Variants in TRPM4 observed in about 807,000 individuals in gnomAD.
The protein encoded by TRPM4 is calcium-activated non-selective cation channel 1.
TRPM4 carries 124 observed loss-of-function variants against 135.6 expected under a neutral mutation model. That is an observed-to-expected ratio of 0.91 (90% confidence interval 0.79 to 1.06). The LOEUF is 1.06. Among genes scored for constraint, TRPM4 ranks in the 50% least tolerant of loss-of-function variants. The pLI, the probability that TRPM4 is intolerant of heterozygous loss-of-function variation, is 0.00. For missense variants in TRPM4, 1,658 were observed against 1,671.4 expected, an observed-to-expected ratio of 0.99 and a Z score of 0.14; for synonymous variants, 745 against 705.6, an observed-to-expected ratio of 1.06 and a Z score of -0.88.
intron 16 of TRPM4, among the ~76,000 whole-genome samples, chr19:49,192,056 C>T (rs1245339680): frequency 1.3e-5 from 2 of 152,240 alleles, no homozygotes; most frequent in Non-Finnish European, 2.9e-5. Context: ...CCCAAGGCCC[C>T]TGCTTTTAAT....
chr19:49,197,576 G>A (rs1163446667), intron 17 of TRPM4, among the ~76,000 whole-genome samples: 3 of 149,364 alleles, frequency 2.0e-5, no homozygotes, highest in Non-Finnish European at 4.4e-5. Context: ...GCATTATGGA[G>A]TATCCTGCAT....
intron 2 of TRPM4, chr19:49,158,525 T>A (rs1264288998): frequency 1.9e-6 from 1 of 517,342 alleles, no homozygotes; most frequent in Non-Finnish European, 3.5e-6. Flanking sequence ...CTCTTCTATG[T>A]GCTTCTGTCT....
chr19:49,200,580 C>T (rs941159795), intron 18 of TRPM4, 31 bp from the exon 19 acceptor site: 2 of 1,607,902 alleles, frequency 1.2e-6, no homozygotes, highest in East Asian at 2.2e-5. Context: ...TAGGAAAGGG[C>T]GGGGCCAGAC....
intron 16 of TRPM4, among the ~76,000 whole-genome samples, chr19:49,193,919 TCTC>T (rs759573206): frequency 7.9e-5 from 11 of 139,634 alleles, no homozygotes; most frequent in African/African-American, 2.5e-4. Flanking sequence ...TCATCCTCCT[TCTC>T]CTCCTCCTCT....
chr19:49,179,182 A>G (rs985728333), intron 9 of TRPM4, among the ~76,000 whole-genome samples: 2 of 150,574 alleles, frequency 1.3e-5, no homozygotes, highest in Non-Finnish European at 3.0e-5. Context: ...CAGCCTCCCA[A>G]GTAGCTGGGA....
chr19:49,188,839 C>T, intron 13 of TRPM4, 69 bp downstream of exon 13: 2 of 1,612,676 alleles, frequency 1.2e-6, no homozygotes, highest in Non-Finnish European at 1.7e-6. Context: ...CAACTCCGCA[C>T]TCCTCACATA....
intron 20 of TRPM4, among the ~76,000 whole-genome samples, chr19:49,206,486 C>T (rs966159067): frequency 6.7e-6 from 1 of 148,834 alleles, no homozygotes; most frequent in Non-Finnish European, 1.5e-5. Context: ...GTTGCCCAGG[C>T]TGGAGTGCAA....
At chr19:49,201,531 A>C (rs892887760) in intron 19 of TRPM4, among the ~76,000 whole-genome samples, 5 of 152,176 alleles carry the variant, frequency 3.3e-5, no homozygotes, top group Non-Finnish European at 5.9e-5. Context: ...TGTTTGAATA[A>C]ATTTTGTTTC....
At chr19:49,188,327 A>G (rs922478241) in intron 12 of TRPM4, among the ~76,000 whole-genome samples, 3 of 152,082 alleles carry the variant, frequency 2.0e-5, no homozygotes, top group Non-Finnish European at 2.9e-5. Flanking sequence ...CAGCCTCCCA[A>G]CGTGCTGGGA....
In TRPM4 at chr19:49,171,921, G is replaced by C; in HGVS notation, c.1051-88G>C. On this transcript the variant is annotated intron_variant, in intron 8 of 24. Coordinates refer to ENST00000252826, the MANE Select transcript of TRPM4 (RefSeq NM_017636.4). The surrounding 1 kb of genome is among the most constrained non-coding windows in gnomAD (Gnocchi z 4.7). ...CATATAGACTATTAGGTCCTGGAGG[G>C]GAATGGCCTCCTCCATCCCTTTGGA... 1.5e-6 allele frequency: 2 copies of C among 1,374,890 alleles called. No homozygotes were observed. The highest frequency in any genetic ancestry group is 2.1e-6 in the Non-Finnish European group (2 of 964,298). The allele number at this position is 1,374,890 out of a possible 1,614,324, so 85.2% of individuals were successfully genotyped here.
chr19:49,197,332 C>A lies in TRPM4; in HGVS notation c.2645+458C>A, dbSNP rs1296011903. Among the ~76,000 whole-genome samples, 158 of 121,636 alleles carry A rather than the reference C, an allele frequency of 1.3e-3. 2 individuals are homozygous for A. In the East Asian group the frequency reaches 0.028, roughly 21 times the overall value. 79.8% of individuals were successfully genotyped at this position (121,636 alleles called of 152,430 possible). ...TTTTTCTTTCTTTCTTTCTTTCTTT[C>A]TTTCTTTCTTTCTTTCTTTCTTTCT... On this transcript the variant is annotated intron_variant, in intron 17 of 24. Transcript: ENST00000252826.
chr19:49,201,318 G>A (rs1968926974), intron 19 of TRPM4, among the ~76,000 whole-genome samples: 1 of 152,166 alleles, frequency 6.6e-6, no homozygotes, highest in Admixed American at 6.5e-5. Context: ...GAGAACAAAG[G>A]AAGGAGGAAG....
At chr19:49,184,347 C>T (rs550380763) in intron 12 of TRPM4, among the ~76,000 whole-genome samples, 1 of 149,954 alleles carries the variant, frequency 6.7e-6, no homozygotes, top group South Asian at 2.1e-4. Context: ...TTTATTTTGC[C>T]TTTTTTATGA....
At position 49,182,623 on chromosome 19, in the gene TRPM4, C is replaced by T. The variant is rs540785901; in HGVS notation, c.1309C>T (p.Arg437Trp). Residue 437 changes from arginine (R) to tryptophan (W), a missense_variant, in exon 11 of 25, where the codon CGG becomes TGG. Around this residue, in one of 3 missense-constraint regions of TRPM4, gnomAD observed 1,412 missense variants for 1,408.7 expected, o/e 1.00. Transcript: ENST00000252826. The stretch of plus-strand genomic sequence containing the variant: ...CCTCATGGACGCCCTGCTGAATGAC[C>T]GGCCTGAGTTCGTGCGCTTGCTCAT... ...ASLMDALLND[R>W]PEFVRLLISH... 3.7e-6 allele frequency: 6 copies of T among 1,614,026 alleles called. No individual in the cohort carries two copies. Among genetic ancestry groups the T allele is most frequent in the Admixed American group, 3.3e-5 (2 of 60,006 alleles).
rs577651771 is a variant in TRPM4, at chr19:49,196,611, G to A, written c.2382G>A (p.Leu794=). Residue 794 remains leucine (L), a synonymous_variant, in exon 17 of 25, where the codon CTG becomes CTA. Transcript: ENST00000252826. The part of the protein sequence containing the change: ...MGNVVSYLLF[L]LLFSRVLLVD... ...ACGTGGTCAGCTACCTGCTGTTCCTGCTGCTTTTCTCGCGGGTGCTGCTCG... is the reference window on the plus strand; with the variant it reads ...ACGTGGTCAGCTACCTGCTGTTCCTACTGCTTTTCTCGCGGGTGCTGCTCG... The A allele has an allele frequency of 1.9e-6, 3 of 1,555,112 alleles. No homozygotes were observed. The South Asian group carries it at 3.5e-5, about 18-fold the overall frequency.
At chr19:49,185,757 T>G (rs1301951387) in intron 12 of TRPM4, among the ~76,000 whole-genome samples, 1 of 151,956 alleles carries the variant, frequency 6.6e-6, no homozygotes, top group Non-Finnish European at 1.5e-5. Context: ...TTTCTTTTTT[T>G]TGGGGGGAGG....
At chr19:49,206,426 T>C (rs1265654278) in intron 20 of TRPM4, among the ~76,000 whole-genome samples, 2 of 151,670 alleles carry the variant, frequency 1.3e-5, no homozygotes, top group African/African-American at 2.4e-5. Context: ...GGAATTTTCT[T>C]TTTTTTTCCT....
At position 49,183,224 on chromosome 19, in the gene TRPM4, C is replaced by T; in HGVS notation, c.1743+12C>T. Reference sequence around the variant, plus strand: ...ACTTCTGGGAGATGGTGAGTGCTGACTTGGCGCTCCTGCATCCCTGTCCTT... The same window carrying T: ...ACTTCTGGGAGATGGTGAGTGCTGATTTGGCGCTCCTGCATCCCTGTCCTT... On this transcript the variant is annotated intron_variant, in intron 12 of 24. Transcript: ENST00000252826. 6.2e-7 allele frequency: 1 copy of T among 1,614,052 alleles called. No individual in the cohort carries two copies. Among genetic ancestry groups the T allele is most frequent in the Non-Finnish European group, 8.5e-7 (1 of 1,180,024 alleles).
chr19:49,163,778 C>T (rs1156910340), intron 2 of TRPM4, among the ~76,000 whole-genome samples: 2 of 152,178 alleles, frequency 1.3e-5, no homozygotes, highest in Non-Finnish European at 2.9e-5. Flanking sequence ...TGTGCCCAGC[C>T]GTCCTTGAAG....
Sources: allele counts gnomAD v4.1 joint callset (sites outside exome capture counted in the v4.1 genomes callset), GRCh38; gene constraint gnomAD v4.1.1; regional missense constraint gnomAD v4.1.1; non-coding constraint Gnocchi (gnomAD v3.1); transcripts MANE v1.5; gene names NCBI Gene and HGNC (gene_info 2026-07-23, HGNC 2026-07-21).